HOGA1: variants seen among roughly 807,000 people sequenced by gnomAD.
The protein encoded by HOGA1 is 4-hydroxy-2-oxoglutarate aldolase, mitochondrial.
HOGA1 carries 30 observed loss-of-function variants against 34.3 expected under a neutral mutation model. The ratio of observed to expected loss-of-function variants is 0.87; its 90% CI spans 0.65 to 1.19. HOGA1 has a LOEUF of 1.19. Among genes scored for constraint, HOGA1 ranks in the 50% most tolerant of loss-of-function variants. The pLI is 0.00. For missense variants in HOGA1, 417 were observed against 436.5 expected (o/e 0.96, Z 0.40); for synonymous variants, 161 against 174.0 (o/e 0.93, Z 0.59).
intron 6 of HOGA1, among the ~76,000 whole-genome samples, chr10:97,610,381 T>C (rs544991420): frequency 6.6e-6 from 1 of 152,092 alleles, no homozygotes; most frequent in Non-Finnish European, 1.5e-5. Flanking sequence ...GGTGGGAGAA[T>C]CGATTGAGCC....
Position 97,603,710 on chromosome 10 carries a change from C to G in HOGA1, c.834+1720C>G, listed in dbSNP as rs1484571960. The stretch of plus-strand genomic sequence containing the variant: ...CCCAAGTAGCTGGGATTACAGATGC[C>G]TGCCACCACACCCGGCTAATTTTTG... On this transcript the variant is annotated intron_variant, in intron 6 of 6. Coordinates refer to ENST00000370646, the MANE Select transcript of HOGA1 (RefSeq NM_138413.4). The surrounding 1 kb of genome is among the most constrained non-coding windows in gnomAD (Gnocchi z 4.5). Among the ~76,000 whole-genome samples the G allele has an allele frequency of 1.3e-5, 2 of 151,978 alleles. No individual in the cohort carries two copies. The highest frequency in any genetic ancestry group is 2.9e-5 in the Non-Finnish European group (2 of 67,984).
Position 97,610,703 on chromosome 10 carries a change from G to C in HOGA1, c.835-807G>C, listed in dbSNP as rs559646554. Among the ~76,000 whole-genome samples the C allele has an allele frequency of 8.5e-5, 13 of 152,240 alleles. No homozygotes were observed. The South Asian group carries it at 2.7e-3, about 32-fold the overall frequency. On this transcript the variant is annotated intron_variant, in intron 6 of 6. Transcript: ENST00000370646. ...TAATCTCAGCTACTCAGGAGGCTGA[G>C]GCAGGAGAATCACTTGAACCCAGGA... is the stretch of plus-strand genomic sequence containing the variant.
intron 1 of HOGA1, among the ~76,000 whole-genome samples, chr10:97,597,283 A>AT (rs2041078850): frequency 6.6e-6 from 1 of 151,942 alleles, no homozygotes; most frequent in Non-Finnish European, 1.5e-5. Context: ...GCCTCAAGTG[A>AT]TCCCCCCATC....
At chr10:97,599,988 T>C in intron 4 of HOGA1, 79 bp from the exon 5 acceptor site, 1 of 1,508,998 alleles carries the variant, frequency 6.6e-7, no homozygotes, top group Middle Eastern at 1.7e-4. Context: ...GCACTGGGCT[T>C]TCATTCCACC....
At chr10:97,606,244 T>G (rs1253077804) in intron 6 of HOGA1, among the ~76,000 whole-genome samples, 1 of 150,322 alleles carries the variant, frequency 6.7e-6, no homozygotes, top group Non-Finnish European at 1.5e-5. Context: ...GAGGTTGCAG[T>G]GAGCCGAGAT....
intron 1 of HOGA1, chr10:97,590,335 G>T (rs781188795): frequency 1.9e-6 from 3 of 1,613,946 alleles, no homozygotes; most frequent in Non-Finnish European, 2.5e-6. Flanking sequence ...ACTCCATGCT[G>T]CAGCGGGCCA....
chr10:97,608,085 A>C (rs886500302), intron 6 of HOGA1, among the ~76,000 whole-genome samples: 10 of 152,116 alleles, frequency 6.6e-5, no homozygotes, highest in Non-Finnish European at 1.5e-4. Context: ...TGAGGCAGGA[A>C]GATCATTTGA....
At chr10:97,608,251 C>A (rs2041170996) in intron 6 of HOGA1, among the ~76,000 whole-genome samples, 1 of 152,072 alleles carries the variant, frequency 6.6e-6, no homozygotes, top group Non-Finnish European at 1.5e-5. Flanking sequence ...GTCGAGGCTG[C>A]AGTGAGCTAC....
At chr10:97,602,372 G>C (rs755543992) in intron 6 of HOGA1, 28 of 1,194,634 alleles carry the variant, frequency 2.3e-5, no homozygotes, top group Non-Finnish European at 3.0e-5. Flanking sequence ...TGCTATCGGG[G>C]GCCAGGTCCT....
At chr10:97,589,825 C>T in intron 1 of HOGA1, 2 of 1,225,266 alleles carry the variant, frequency 1.6e-6, no homozygotes, top group Non-Finnish European at 2.4e-6. Flanking sequence ...TGGAGACCTT[C>T]TTGGAGCTCA....
chr10:97,584,572 C>T lies in HOGA1; in HGVS notation c.-132C>T. On this transcript the variant is annotated 5_prime_UTR_variant, in exon 1 of 7. Transcript: ENST00000370646. Reference sequence around the variant, plus strand: ...TGGGAACACCCAGCTCAGGCCTGCCCCAGTGGCCACAAGTCAGGGAGGCCG... The same window carrying T: ...TGGGAACACCCAGCTCAGGCCTGCCTCAGTGGCCACAAGTCAGGGAGGCCG... The T allele has an allele frequency of 1.3e-6, 1 of 792,176 alleles. No individual in the cohort carries two copies. Among genetic ancestry groups the T allele is most frequent in the Non-Finnish European group, 2.1e-6 (1 of 482,784 alleles). 49.1% of individuals were successfully genotyped at this position (792,176 alleles called of 1,614,324 possible).
intron 6 of HOGA1, among the ~76,000 whole-genome samples, chr10:97,610,294 C>T (rs2041185444): frequency 6.6e-6 from 1 of 151,972 alleles, no homozygotes; most frequent in South Asian, 2.1e-4. Context: ...ATAGCAAGAC[C>T]TCGTCTCTAC....
chr10:97,592,423 G>A (rs1261137425), intron 1 of HOGA1, among the ~76,000 whole-genome samples: 2 of 151,664 alleles, frequency 1.3e-5, no homozygotes, highest in African/African-American at 2.4e-5. Context: ...TCCATTTTTA[G>A]TAGAGACGGG....
At chr10:97,610,884 T>C (rs750221220) in intron 6 of HOGA1, among the ~76,000 whole-genome samples, 22 of 152,196 alleles carry the variant, frequency 1.4e-4, no homozygotes, top group Non-Finnish European at 2.9e-4. Context: ...TTAGAGATCA[T>C]GTTGTCCAGC....
At chr10:97,598,626 G>A in intron 1 of HOGA1, 149 bp from the exon 2 acceptor site, 1 of 1,038,392 alleles carries the variant, frequency 9.6e-7, no homozygotes, top group South Asian at 1.3e-5. Flanking sequence ...AAAATGATGT[G>A]AACAGTCATT....
At chr10:97,598,697 T>C (rs2041089594) in intron 1 of HOGA1, 78 bp from the exon 2 acceptor site, 1 of 1,535,458 alleles carries the variant, frequency 6.5e-7, no homozygotes, top group East Asian at 2.2e-5. Context: ...AAGATTATGG[T>C]GTCGTAAGGT....
chr10:97,590,106 G>A (rs538412135), intron 1 of HOGA1: 6 of 1,614,146 alleles, frequency 3.7e-6, no homozygotes, highest in Admixed American at 3.3e-5. Flanking sequence ...GAAGAGGTCA[G>A]CTCCACGGTT....
At chr10:97,593,201 C>T (rs545181218) in intron 1 of HOGA1, among the ~76,000 whole-genome samples, 20 of 152,118 alleles carry the variant, frequency 1.3e-4, no homozygotes, top group Admixed American at 1.2e-3. Flanking sequence ...GGGGGCCGAA[C>T]ACGGCGGCTC....
intron 6 of HOGA1, among the ~76,000 whole-genome samples, chr10:97,604,523 T>C: frequency 6.6e-6 from 1 of 152,086 alleles, no homozygotes; most frequent in Non-Finnish European, 1.5e-5. Flanking sequence ...AAGGTCTCGC[T>C]ATGTTGCCCA....
Sources: gnomAD v4.1 joint callset for allele counts (sites outside exome capture counted in the v4.1 genomes callset) on GRCh38, gnomAD v4.1.1 for gene constraint, Gnocchi (gnomAD v3.1) non-coding constraint, MANE v1.5 for transcripts, NCBI Gene and HGNC (gene_info 2026-07-23, HGNC 2026-07-21) for gene names.